The following MOB3B variants were observed in gnomAD, a reference collection of about 807,000 sequenced individuals.
The protein encoded by MOB3B is MOB kinase activator 3B.
A neutral mutation model predicts 18.7 loss-of-function variants in MOB3B; 7 were observed. The observed-to-expected ratio is 0.37, with a 90% CI of 0.21 to 0.70. The LOEUF (loss-of-function observed/expected upper bound fraction) is 0.70. MOB3B is among the 30% of genes least tolerant of loss of function. The probability of loss-of-function intolerance (pLI) is 0.52; values close to 1 mark genes in which losing one functional copy is unlikely to be tolerated. For synonymous variants in MOB3B, 111 were observed against 99.9 expected, an observed-to-expected ratio of 1.11 and a Z score of -0.66; for missense variants, 253 against 281.3, an observed-to-expected ratio of 0.90 and a Z score of 0.72.
At chr9:27,485,513 G>A (rs1819718648) in intron 1 of MOB3B, among the ~76,000 whole-genome samples, 1 of 152,204 alleles carries the variant, frequency 6.6e-6, no homozygotes, top group Non-Finnish European at 1.5e-5. Context: ...AAATCTCACT[G>A]ATTCTGTCTC....
At chr9:27,459,905 A>T (rs886563029) in intron 1 of MOB3B, among the ~76,000 whole-genome samples, 1 of 151,924 alleles carries the variant, frequency 6.6e-6, no homozygotes, top group African/African-American at 2.4e-5. Flanking sequence ...AAAAGTCATA[A>T]AGTTTTCCTT....
At chr9:27,434,439 G>C (rs771506220) in intron 2 of MOB3B, among the ~76,000 whole-genome samples, 2 of 148,942 alleles carry the variant, frequency 1.3e-5, no homozygotes, top group African/African-American at 2.5e-5. Context: ...TCTGTCCTAG[G>C]CCTTTTCTTT....
chr9:27,383,723 T>G (rs1289939002), intron 2 of MOB3B, among the ~76,000 whole-genome samples: 1 of 152,188 alleles, frequency 6.6e-6, no homozygotes, highest in Non-Finnish European at 1.5e-5. Flanking sequence ...GAGAGATCTA[T>G]GTAAATACAT....
At chr9:27,441,861 C>A (rs1176126253) in intron 2 of MOB3B, among the ~76,000 whole-genome samples, 1 of 152,130 alleles carries the variant, frequency 6.6e-6, no homozygotes, top group Non-Finnish European at 1.5e-5. Context: ...TTGTATGGAT[C>A]CCTAAGGACC....
At chr9:27,396,174 TAA>T (rs1821795541) in intron 2 of MOB3B, among the ~76,000 whole-genome samples, 1 of 152,218 alleles carries the variant, frequency 6.6e-6, no homozygotes, top group African/African-American at 2.4e-5. Flanking sequence ...TCCAAAATAG[TAA>T]ACCACATTTT....
At chr9:27,337,014 G>C (rs1820874449) in intron 3 of MOB3B, among the ~76,000 whole-genome samples, 1 of 152,212 alleles carries the variant, frequency 6.6e-6, no homozygotes, top group South Asian at 2.1e-4. Context: ...TGCAGCCTCA[G>C]TCCCAGCTAC....
intron 2 of MOB3B, among the ~76,000 whole-genome samples, chr9:27,444,979 T>G (rs986028692): frequency 6.6e-6 from 1 of 152,232 alleles, no homozygotes; most frequent in Non-Finnish European, 1.5e-5. Flanking sequence ...CAACTGATAT[T>G]CTAATGGATG....
At chr9:27,365,846 G>A (rs547904016) in intron 2 of MOB3B, among the ~76,000 whole-genome samples, 2 of 152,286 alleles carry the variant, frequency 1.3e-5, no homozygotes, top group African/African-American at 4.8e-5. Flanking sequence ...TTCTGCAAAC[G>A]GACCAGTACT....
At chr9:27,455,788 T>C in intron 1 of MOB3B, 40 bp from the exon 2 acceptor site, 9 of 1,394,788 alleles carry the variant, frequency 6.5e-6, no homozygotes, top group Non-Finnish European at 8.4e-6. Flanking sequence ...GAGTGCCCAG[T>C]TCGCCTTTAA....
At chr9:27,525,243 T>C (rs2131511260) in intron 1 of MOB3B, among the ~76,000 whole-genome samples, 1 of 152,332 alleles carries the variant, frequency 6.6e-6, no homozygotes, top group South Asian at 2.1e-4. Context: ...GTGGCCATTT[T>C]GAAAGAGCTT....
chr9:27,466,168 C>G lies in MOB3B; in HGVS notation c.-198-10420G>C, dbSNP rs976718388. Among the ~76,000 whole-genome samples the G allele has an allele frequency of 2.0e-5, 3 of 152,324 alleles. No individual in the cohort carries two copies. The East Asian group carries it at 5.8e-4, about 29-fold the overall frequency. On this transcript the variant is annotated intron_variant, in intron 1 of 3. Coordinates refer to ENST00000262244, the MANE Select transcript of MOB3B (RefSeq NM_024761.5). Reference sequence around the variant, plus strand: ...CATTTAACAGCACCCAAGTTACCTTCTGAAAGCTTTGCTGCTTAGAAATTT... The same window carrying G: ...CATTTAACAGCACCCAAGTTACCTTGTGAAAGCTTTGCTGCTTAGAAATTT...
chr9:27,468,972 T>A (rs976098971), intron 1 of MOB3B, among the ~76,000 whole-genome samples: 2 of 152,234 alleles, frequency 1.3e-5, no homozygotes, highest in African/African-American at 4.8e-5. Flanking sequence ...GCATGCCCAC[T>A]GGCTTAAAAC....
chr9:27,521,485 GA>G (rs1373405467), intron 1 of MOB3B, among the ~76,000 whole-genome samples: 1 of 152,216 alleles, frequency 6.6e-6, no homozygotes, highest in African/African-American at 2.4e-5. Flanking sequence ...TTTCAGGGAA[GA>G]GGGGAATGCA....
intron 2 of MOB3B, among the ~76,000 whole-genome samples, chr9:27,428,416 A>G (rs1043569175): frequency 2.0e-5 from 3 of 152,174 alleles, no homozygotes; most frequent in Admixed American, 6.5e-5. Flanking sequence ...GCGGTTGGGG[A>G]GATAGGGTGT....
At chr9:27,346,925 G>A (rs1255818621) in intron 3 of MOB3B, among the ~76,000 whole-genome samples, 2 of 152,156 alleles carry the variant, frequency 1.3e-5, no homozygotes, top group Non-Finnish European at 2.9e-5. Flanking sequence ...GAACCCAGGA[G>A]GTGGAGGTTG....
chr9:27,345,041 G>C (rs548179206), intron 3 of MOB3B, among the ~76,000 whole-genome samples: 25 of 152,364 alleles, frequency 1.6e-4, no homozygotes, highest in Non-Finnish European at 2.1e-4. Context: ...CAGCAATACA[G>C]TCACTGTAGG....
chr9:27,423,398 C>CTT (rs34788661), intron 2 of MOB3B, among the ~76,000 whole-genome samples: 9,158 of 141,900 alleles, frequency 0.065, 472 homozygotes, highest in African/African-American at 0.15. Context: ...TGGCAATACT[C>CTT]TTTTTTTTTT....
chr9:27,512,720 A>T (rs571184898), intron 1 of MOB3B, among the ~76,000 whole-genome samples: 1 of 152,322 alleles, frequency 6.6e-6, no homozygotes, highest in Admixed American at 6.5e-5. Context: ...TAGAATTGGC[A>T]TTGTCAGCTC....
intron 2 of MOB3B, among the ~76,000 whole-genome samples, chr9:27,443,619 A>G (rs1416122661): frequency 6.6e-6 from 1 of 152,186 alleles, no homozygotes; most frequent in African/African-American, 2.4e-5. Context: ...TAGTCCAATC[A>G]GGAACCCCTA....
Sources: allele counts gnomAD v4.1 joint callset (sites outside exome capture counted in the v4.1 genomes callset), GRCh38; gene constraint gnomAD v4.1.1; transcripts MANE v1.5; gene names NCBI Gene and HGNC (gene_info 2026-07-23, HGNC 2026-07-21).